The following FMN1 variants were observed in gnomAD, a reference collection of about 807,000 sequenced individuals.
FMN1 encodes formin-1.
A neutral mutation model predicts 132.4 loss-of-function variants in FMN1; 110 were observed. The ratio of observed to expected loss-of-function variants is 0.83; its 90% confidence interval spans 0.71 to 0.97. FMN1 has a LOEUF of 0.97. Ranked by LOEUF, FMN1 falls within the 50% of genes least tolerant of loss-of-function variation. FMN1 has a pLI of 0.00. For synonymous variants in FMN1, 722 were observed against 651.7 expected, an observed-to-expected ratio of 1.11 and a Z score of -1.64; for missense variants, 1,792 against 1,705.3, an observed-to-expected ratio of 1.05 and a Z score of -0.90.
chr15:32,977,247 C>T (rs1316972651), intron 7 of FMN1, among the ~76,000 whole-genome samples: 1 of 152,082 alleles, frequency 6.6e-6, no homozygotes, highest in African/African-American at 2.4e-5. Context: ...TTAAGTAAAT[C>T]GCCAATAAGA....
intron 4 of FMN1, among the ~76,000 whole-genome samples, chr15:33,104,830 C>A (rs775827674): frequency 2.6e-5 from 4 of 152,080 alleles, no homozygotes; most frequent in Non-Finnish European, 5.9e-5. Flanking sequence ...ACTTGCTTTG[C>A]AGAAATTAAA....
rs1410988274 is a variant in FMN1 at position 32,774,279 on chromosome 15, T to A, written c.*31A>T. 1.3e-6 allele frequency: 2 copies of A among 1,569,942 alleles called. No homozygotes were observed. The highest frequency in any genetic ancestry group is 1.7e-6 in the Non-Finnish European group (2 of 1,146,526). Reference sequence around the variant, plus strand: ...GAGTATGCGTGCAAGGTCCTCCACCTCCAGTGCCATCATTTCCATGTGTCT... The same window carrying A: ...GAGTATGCGTGCAAGGTCCTCCACCACCAGTGCCATCATTTCCATGTGTCT... On this transcript the variant is annotated 3_prime_UTR_variant, in exon 21 of 21. Coordinates refer to ENST00000616417, the MANE Select transcript of FMN1 (RefSeq NM_001277313.2).
intron 4 of FMN1, among the ~76,000 whole-genome samples, chr15:33,127,153 T>C (rs1217728430): frequency 1.4e-5 from 2 of 145,630 alleles, no homozygotes; most frequent in Non-Finnish European, 3.0e-5. Context: ...CTTCCCATGT[T>C]ACATTCTCTC....
chr15:32,879,667 T>C (rs1333754033), intron 16 of FMN1, among the ~76,000 whole-genome samples: 1 of 140,558 alleles, frequency 7.1e-6, no homozygotes, highest in Non-Finnish European at 1.5e-5. Flanking sequence ...ATCGGCTCCA[T>C]TTTTTTTTTC....
At chr15:33,061,881 T>C (rs908170867) in intron 6 of FMN1, among the ~76,000 whole-genome samples, 1 of 152,110 alleles carries the variant, frequency 6.6e-6, no homozygotes, top group Non-Finnish European at 1.5e-5. Flanking sequence ...TCATATGAAA[T>C]GGAGTGACAG....
intron 17 of FMN1, among the ~76,000 whole-genome samples, chr15:32,846,620 A>C (rs2058863177): frequency 6.6e-6 from 1 of 152,222 alleles, no homozygotes; most frequent in Non-Finnish European, 1.5e-5. Context: ...TGGGAATGTA[A>C]ATTAGTTCAA....
chr15:33,042,567 G>T (rs2036488591), intron 6 of FMN1, among the ~76,000 whole-genome samples: 1 of 152,146 alleles, frequency 6.6e-6, no homozygotes, highest in Non-Finnish European at 1.5e-5. Context: ...AATGATAAAA[G>T]GTCTATACAC....
At chr15:33,122,861 G>C (rs1344238272) in intron 4 of FMN1, among the ~76,000 whole-genome samples, 5 of 152,138 alleles carry the variant, frequency 3.3e-5, no homozygotes, top group South Asian at 2.1e-4. Context: ...GATTGACATA[G>C]TATAGGCTAT....
intron 19 of FMN1, among the ~76,000 whole-genome samples, chr15:32,798,106 A>G (rs1012921650): frequency 6.6e-5 from 10 of 151,740 alleles, no homozygotes; most frequent in Non-Finnish European, 1.3e-4. Context: ...TGGCAACCCA[A>G]TCACAAAAAT....
intron 16 of FMN1, among the ~76,000 whole-genome samples, chr15:32,881,463 G>C (rs1463330433): frequency 1.5e-4 from 23 of 152,108 alleles, no homozygotes; most frequent in Admixed American, 1.1e-3. Context: ...TATCGTTCTA[G>C]AAATTTTCAA....
At chr15:32,961,093 T>C (rs889854967) in intron 9 of FMN1, among the ~76,000 whole-genome samples, 3 of 151,098 alleles carry the variant, frequency 2.0e-5, no homozygotes, top group Admixed American at 6.6e-5. Flanking sequence ...GATGTGAATT[T>C]CACAACATAC....
At position 32,772,489 on chromosome 15, in the gene FMN1, G is replaced by T. The variant is rs894242774; in HGVS notation, c.*1821C>A. On this transcript the variant is annotated 3_prime_UTR_variant, in exon 21 of 21. Coordinates refer to ENST00000616417, the MANE Select transcript of FMN1 (RefSeq NM_001277313.2). ...TGATCCGTTCTTTTGGTTGTCTTCA[G>T]AGTTAAGTGAAAATGAAGAGAAACT... 1 of 152,234 alleles carries T rather than the reference G, an allele frequency of 6.6e-6. No homozygotes were observed. Among genetic ancestry groups the T allele is most frequent in the East Asian group, 1.9e-4 (1 of 5,202 alleles). 9.4% of individuals were successfully genotyped at this position (152,234 alleles called of 1,614,324 possible).
At chr15:32,880,834 C>T (rs989398572) in intron 16 of FMN1, among the ~76,000 whole-genome samples, 4 of 152,180 alleles carry the variant, frequency 2.6e-5, no homozygotes, top group African/African-American at 9.7e-5. Flanking sequence ...ATCCCACCTA[C>T]TCCTAGAAGG....
chr15:33,116,835 G>A (rs1366398879), intron 4 of FMN1, among the ~76,000 whole-genome samples: 1 of 152,112 alleles, frequency 6.6e-6, no homozygotes, highest in Admixed American at 6.5e-5. Context: ...ACTTTGGGCA[G>A]GTCCTTCATA....
At chr15:33,103,953 A>G (rs2039388189) in intron 4 of FMN1, among the ~76,000 whole-genome samples, 1 of 152,066 alleles carries the variant, frequency 6.6e-6, no homozygotes, top group South Asian at 2.1e-4. Flanking sequence ...ATACAGCTCC[A>G]ATTTAAAATG....
chr15:32,891,223 G>A (rs1258084094), intron 15 of FMN1, among the ~76,000 whole-genome samples: 2 of 152,118 alleles, frequency 1.3e-5, no homozygotes, highest in Non-Finnish European at 2.9e-5. Context: ...CCGCCACGTG[G>A]GTTCTTTTAT....
chr15:32,990,383 G>T lies in FMN1; in HGVS notation c.2223+17631C>A, dbSNP rs549468933. On this transcript the variant is annotated intron_variant, in intron 7 of 20. Coordinates refer to ENST00000616417, the MANE Select transcript of FMN1 (RefSeq NM_001277313.2). Reference sequence around the variant, plus strand: ...GGAGGAGTTCGAGGATGTCAACACTGACTCTCCAGGATCAGAGCAAAGAAA... The same window carrying T: ...GGAGGAGTTCGAGGATGTCAACACTTACTCTCCAGGATCAGAGCAAAGAAA... 1.1e-4 allele frequency among the ~76,000 whole-genome samples: 16 copies of T among 152,254 alleles called. No individual in the cohort carries two copies. The South Asian group carries it at 2.7e-3, about 26-fold the overall frequency.
intron 6 of FMN1, among the ~76,000 whole-genome samples, chr15:33,038,615 G>A (rs931084774): frequency 2.0e-5 from 3 of 152,268 alleles, no homozygotes; most frequent in African/African-American, 4.8e-5. Context: ...AAAACAACAC[G>A]TAAGATTTAA....
At chr15:33,020,080 C>A (rs2035334455) in intron 6 of FMN1, among the ~76,000 whole-genome samples, 1 of 152,178 alleles carries the variant, frequency 6.6e-6, no homozygotes, top group African/African-American at 2.4e-5. Flanking sequence ...CTGTGAGCAA[C>A]TCCAGCAAAG....
Sources: allele counts gnomAD v4.1 joint callset (sites outside exome capture counted in the v4.1 genomes callset), GRCh38; gene constraint gnomAD v4.1.1; transcripts MANE v1.5; gene names NCBI Gene and HGNC (gene_info 2026-07-23, HGNC 2026-07-21).